Variants in SUPT3H observed in about 807,000 individuals in gnomAD.
SUPT3H encodes the protein transcription initiation protein SPT3 homolog.
A neutral mutation model predicts 44.3 loss-of-function variants in SUPT3H; 44 were observed. The observed-to-expected ratio is 0.99, with a 90% CI of 0.78 to 1.28. The LOEUF (loss-of-function observed/expected upper bound fraction) is 1.28, where lower values mean the gene tolerates loss of function less well. Among genes scored for constraint, SUPT3H ranks in the 50% most tolerant of loss-of-function variants. The pLI is 0.00. For missense variants in SUPT3H, 380 were observed against 387.1 expected, an observed-to-expected ratio of 0.98 and a Z score of 0.15; for synonymous variants, 124 against 125.6, an observed-to-expected ratio of 0.99 and a Z score of 0.09.
chr6:45,034,124 A>T (rs374451370), intron 3 of SUPT3H, among the ~76,000 whole-genome samples: 2 of 152,056 alleles, frequency 1.3e-5, no homozygotes, highest in African/African-American at 4.8e-5. Flanking sequence ...GACCAGGGAG[A>T]TTGTGGTGCC....
rs1787515737 is a variant in SUPT3H at position 45,331,552 on chromosome 6, T to C, written c.101+33649A>G. Among the ~76,000 whole-genome samples, 3 of 151,926 alleles carry C rather than the reference T, an allele frequency of 2.0e-5. No homozygotes were observed. The South Asian group carries it at 6.2e-4, about 31-fold the overall frequency. ...ACACAGAAAATCACTCTAACACATA[T>C]CAAAAGCTAAAAATGTCAAAGTAAT... is the stretch of plus-strand genomic sequence containing the variant. On this transcript the variant is annotated intron_variant, in intron 2 of 10. Transcript: ENST00000371459.
chr6:45,275,210 T>G (rs1776819920), intron 2 of SUPT3H, among the ~76,000 whole-genome samples: 2 of 152,170 alleles, frequency 1.3e-5, no homozygotes, highest in African/African-American at 4.8e-5. Flanking sequence ...GTAGTGGGCT[T>G]GGTGACTGGG....
intron 3 of SUPT3H, among the ~76,000 whole-genome samples, chr6:45,042,998 T>C (rs1788779183): frequency 6.6e-6 from 1 of 152,202 alleles, no homozygotes; most frequent in Admixed American, 6.5e-5. Flanking sequence ...GAAGGATTTT[T>C]ACAAAACGGC....
At chr6:45,104,683 G>C (rs908400550) in intron 3 of SUPT3H, among the ~76,000 whole-genome samples, 2 of 151,338 alleles carry the variant, frequency 1.3e-5, no homozygotes, top group African/African-American at 4.8e-5. Context: ...ATTAACAATA[G>C]CAACAAAGAA....
chr6:45,187,763 A>G (rs910232466), intron 2 of SUPT3H, among the ~76,000 whole-genome samples: 2 of 152,224 alleles, frequency 1.3e-5, no homozygotes, highest in Non-Finnish European at 2.9e-5. Flanking sequence ...ACAAAACAGA[A>G]AATAACAGAC....
chr6:45,185,006 C>A (rs1414991248), intron 2 of SUPT3H, among the ~76,000 whole-genome samples: 1 of 152,068 alleles, frequency 6.6e-6, no homozygotes, highest in Non-Finnish European at 1.5e-5. Flanking sequence ...CCTAACTTAC[C>A]CAACAGTAGT....
At chr6:44,925,115 T>C (rs929680085) in intron 10 of SUPT3H, among the ~76,000 whole-genome samples, 2 of 152,174 alleles carry the variant, frequency 1.3e-5, no homozygotes, top group African/African-American at 4.8e-5. Context: ...TATTAGTCCA[T>C]TATGAACATC....
intron 2 of SUPT3H, among the ~76,000 whole-genome samples, chr6:45,177,639 G>A (rs1365963942): frequency 1.3e-5 from 2 of 151,416 alleles, no homozygotes; most frequent in African/African-American, 4.9e-5. Flanking sequence ...AAGTTGAAAT[G>A]AAGGAAAAAA....
rs146574532 is a variant in SUPT3H at position 45,310,919 on chromosome 6, A to C, written c.101+54282T>G. 2.4e-3 allele frequency among the ~76,000 whole-genome samples: 358 copies of C among 152,322 alleles called. 1 individual carries two copies. The highest frequency in any genetic ancestry group is 7.8e-3 in the African/African-American group (326 of 41,576). ...ACTAGTTCACCAGCAATGGATCCAA[A>C]CCAAGAAGAAATCCCTCACTTACCT... On this transcript the variant is annotated intron_variant, in intron 2 of 10. Transcript: ENST00000371459.
intron 3 of SUPT3H, among the ~76,000 whole-genome samples, chr6:45,085,731 A>G (rs1200663401): frequency 6.6e-6 from 1 of 152,150 alleles, no homozygotes; most frequent in Non-Finnish European, 1.5e-5. Flanking sequence ...TTAAGACAAC[A>G]TGAATGACAA....
chr6:45,022,316 C>T (rs986843099), intron 3 of SUPT3H, among the ~76,000 whole-genome samples: 3 of 151,794 alleles, frequency 2.0e-5, no homozygotes, highest in African/African-American at 7.3e-5. Context: ...AATCTCTATT[C>T]ATAACATTCT....
intron 10 of SUPT3H, among the ~76,000 whole-genome samples, chr6:44,861,718 G>T (rs1051566536): frequency 6.6e-6 from 1 of 151,978 alleles, no homozygotes; most frequent in Non-Finnish European, 1.5e-5. Context: ...TATAAAAATT[G>T]AAAGGGTTGA....
intron 2 of SUPT3H, among the ~76,000 whole-genome samples, chr6:45,335,908 TA>T (rs1430706200): frequency 6.6e-6 from 1 of 151,362 alleles, no homozygotes. Context: ...CTACTGCTCT[TA>T]TAAGAGTCAA....
chr6:45,308,658 G>A (rs554409648), intron 2 of SUPT3H, among the ~76,000 whole-genome samples: 1 of 151,952 alleles, frequency 6.6e-6, no homozygotes, highest in East Asian at 1.9e-4. Flanking sequence ...GAGTTAATGG[G>A]TGCAGTACAC....
chr6:44,819,757 C>T (rs1190273306), intron 11 of SUPT3H, among the ~76,000 whole-genome samples: 1 of 151,364 alleles, frequency 6.6e-6, no homozygotes, highest in Non-Finnish European at 1.5e-5. Context: ...GCCTGGGTGA[C>T]AGAGTAAGAC....
chr6:44,932,459 GA>G (rs1043815909), intron 10 of SUPT3H, among the ~76,000 whole-genome samples, 193 bp downstream of exon 10: 5 of 151,944 alleles, frequency 3.3e-5, no homozygotes, highest in African/African-American at 4.8e-5. Flanking sequence ...ATATTTTGTA[GA>G]AAAAAAGTGT....
At chr6:44,963,315 T>C (rs1776316724) in intron 6 of SUPT3H, among the ~76,000 whole-genome samples, 1 of 152,130 alleles carries the variant, frequency 6.6e-6, no homozygotes, top group Non-Finnish European at 1.5e-5. Flanking sequence ...CTGGCCAACA[T>C]GGCAAAACCC....
chr6:44,893,324 C>A (rs926985759), intron 10 of SUPT3H, among the ~76,000 whole-genome samples: 1 of 152,064 alleles, frequency 6.6e-6, no homozygotes, highest in Non-Finnish European at 1.5e-5. Flanking sequence ...TGCGCTGCAC[C>A]CACTAACTCG....
chr6:45,228,572 T>C (rs190862535), intron 2 of SUPT3H, among the ~76,000 whole-genome samples: 226 of 152,342 alleles, frequency 1.5e-3, no homozygotes, highest in African/African-American at 5.2e-3. Flanking sequence ...AATCTCTTTC[T>C]ATGCAAACAC....
Sources: gnomAD v4.1 joint callset for allele counts (sites outside exome capture counted in the v4.1 genomes callset) on GRCh38, gnomAD v4.1.1 for gene constraint, MANE v1.5 for transcripts, NCBI Gene and HGNC (gene_info 2026-07-23, HGNC 2026-07-21) for gene names.